The following KLHDC10 variants were observed in gnomAD, a reference collection of about 807,000 sequenced individuals.
The protein encoded by KLHDC10 is kelch domain containing 10.
In KLHDC10, 24 loss-of-function variants were observed where a neutral mutation model predicts 56.1. That is an observed-to-expected ratio of 0.43 (90% CI 0.31 to 0.60). The LOEUF (loss-of-function observed/expected upper bound fraction) is 0.60. Ranked by LOEUF, KLHDC10 falls within the 20% of genes least tolerant of loss-of-function variation. KLHDC10 has a pLI of 0.11. For synonymous variants in KLHDC10, 188 were observed against 207.1 expected, an observed-to-expected ratio of 0.91 and a Z score of 0.79; for missense variants, 349 against 567.0, an observed-to-expected ratio of 0.62 and a Z score of 3.91.
In KLHDC10 at chr7:130,130,473, A is replaced by G. The variant is rs1198112754; in HGVS notation, c.1120-64A>G. 7 of 1,321,540 alleles carry G rather than the reference A, an allele frequency of 5.3e-6. No homozygotes were observed. Among genetic ancestry groups the G allele is most frequent in the African/African-American group, 1.4e-5 (1 of 68,978 alleles). 81.9% of individuals were successfully genotyped at this position (1,321,540 alleles called of 1,614,324 possible). A position where few individuals can be genotyped will look rare whatever the true frequency, so the allele number is the denominator to read the frequency against. ...ATTCCATCTACTATGCTTTTTCCCCACTGAGTCTTCAGCCTTGTATGTTTC... is the reference window on the plus strand; with the variant it reads ...ATTCCATCTACTATGCTTTTTCCCCGCTGAGTCTTCAGCCTTGTATGTTTC... On this transcript the variant is annotated intron_variant, in intron 9 of 9. Transcript: ENST00000335420. This position sits in a 1 kb window ranked among gnomAD's most constrained non-coding sequence, Gnocchi z 4.2.
At chr7:130,112,034 T>G (rs1563103718) in intron 2 of KLHDC10, among the ~76,000 whole-genome samples, 1 of 152,136 alleles carries the variant, frequency 6.6e-6, no homozygotes, top group Non-Finnish European at 1.5e-5. Context: ...TATTAAAAAT[T>G]TTTTGTTTTG....
chr7:130,112,936 T>C (rs917534762), intron 2 of KLHDC10, among the ~76,000 whole-genome samples: 3 of 152,206 alleles, frequency 2.0e-5, no homozygotes, highest in Admixed American at 1.3e-4. Context: ...GTGTCAGAAA[T>C]AGGTAAACCA....
intron 1 of KLHDC10, among the ~76,000 whole-genome samples, chr7:130,081,734 C>A (rs1474758692): frequency 6.6e-6 from 1 of 152,170 alleles, no homozygotes; most frequent in African/African-American, 2.4e-5. Flanking sequence ...GTTTTGCCTG[C>A]CTTTCTCAAT....
chr7:130,128,400 G>A (rs930935542), intron 8 of KLHDC10, among the ~76,000 whole-genome samples: 7 of 152,186 alleles, frequency 4.6e-5, no homozygotes, highest in South Asian at 4.1e-4. Context: ...TTCGTTTGAA[G>A]GTTCACATAG....
chr7:130,103,254 T>C (rs534565885), intron 2 of KLHDC10, among the ~76,000 whole-genome samples: 1 of 152,154 alleles, frequency 6.6e-6, no homozygotes, highest in South Asian at 2.1e-4. Context: ...TGAAACCCTG[T>C]CTCTGCTAAA....
chr7:130,075,753 G>C (rs897550403), intron 1 of KLHDC10, among the ~76,000 whole-genome samples: 1 of 152,160 alleles, frequency 6.6e-6, no homozygotes, highest in African/African-American at 2.4e-5. Context: ...CAAATTTCAA[G>C]TTTATGTTTC....
At chr7:130,109,640 T>TTTTG (rs933924700) in intron 2 of KLHDC10, among the ~76,000 whole-genome samples, 1 of 151,980 alleles carries the variant, frequency 6.6e-6, no homozygotes, top group African/African-American at 2.4e-5. Flanking sequence ...ATAATGTTCT[T>TTTTG]TTTGTTTGTT....
intron 1 of KLHDC10, 77 bp from the exon 2 acceptor site, chr7:130,096,843 CT>C (rs1438437201): frequency 1.0e-6 from 1 of 1,000,496 alleles, no homozygotes; most frequent in Non-Finnish European, 1.5e-6. Flanking sequence ...GTTTTTCTGT[CT>C]TTATAACTAC....
chr7:130,071,663 C>T (rs1795412727), intron 1 of KLHDC10, among the ~76,000 whole-genome samples: 1 of 152,044 alleles, frequency 6.6e-6, no homozygotes, highest in Non-Finnish European at 1.5e-5. Flanking sequence ...TTAAATAATG[C>T]AGAGAACGTC....
In KLHDC10 at chr7:130,130,512, T is replaced by A. The variant is rs1443023154; in HGVS notation, c.1120-25T>A. The A allele has an allele frequency of 6.3e-7, 1 of 1,589,956 alleles. No individual in the cohort carries two copies. The highest frequency in any genetic ancestry group is 2.2e-5 in the East Asian group (1 of 44,678). ...CTTGTATGTTTCTCTCCCGTTTGAA[T>A]TTGTCCTCTTTTGACTACTCATAGG... On this transcript the variant is annotated intron_variant, in intron 9 of 9. Coordinates refer to ENST00000335420, the MANE Select transcript of KLHDC10 (RefSeq NM_014997.4). This position sits in a 1 kb window ranked among gnomAD's most constrained non-coding sequence, Gnocchi z 4.2.
At chr7:130,094,117 G>T (rs1168780257) in intron 1 of KLHDC10, among the ~76,000 whole-genome samples, 2 of 151,906 alleles carry the variant, frequency 1.3e-5, no homozygotes, top group African/African-American at 4.8e-5. Flanking sequence ...GTAGAGATGG[G>T]GTTTTGGCAT....
At chr7:130,077,555 C>CTTT (rs1374918216) in intron 1 of KLHDC10, among the ~76,000 whole-genome samples, 16 of 108,102 alleles carry the variant, frequency 1.5e-4, no homozygotes, top group East Asian at 2.3e-4. Flanking sequence ...CTTTTTCTTT[C>CTTT]TTTTTTTTTT....
At chr7:130,086,789 A>T (rs1795697444) in intron 1 of KLHDC10, among the ~76,000 whole-genome samples, 1 of 152,232 alleles carries the variant, frequency 6.6e-6, no homozygotes, top group African/African-American at 2.4e-5. Context: ...ATTTAAGAAC[A>T]ATCACTGCAA....
At position 130,122,216 on chromosome 7, in the gene KLHDC10, A is replaced by G; in HGVS notation, c.779+14A>G. On this transcript the variant is annotated intron_variant, in intron 5 of 9. Coordinates refer to ENST00000335420, the MANE Select transcript of KLHDC10 (RefSeq NM_014997.4). ...ACCAGAAGAGAGGTGAGGTTCTAGG[A>G]TTCAAGCATATTTATTCTTTCGTGC... 1.2e-6 allele frequency: 2 copies of G among 1,611,280 alleles called. No homozygotes were observed. The highest frequency in any genetic ancestry group is 8.5e-7 in the Non-Finnish European group (1 of 1,179,082).
At chr7:130,118,576 G>C (rs1460167777) in intron 3 of KLHDC10, among the ~76,000 whole-genome samples, 5 of 152,212 alleles carry the variant, frequency 3.3e-5, no homozygotes, top group Non-Finnish European at 7.3e-5. Flanking sequence ...CTTTTCCTTT[G>C]CATTCACAAT....
At position 130,121,352 on chromosome 7, in the gene KLHDC10, G is replaced by T. The variant is rs115389249; in HGVS notation, c.630+449G>T. 4.4e-3 allele frequency among the ~76,000 whole-genome samples: 664 copies of T among 152,258 alleles called. 6 individuals are homozygous for T. The highest frequency in any genetic ancestry group is 0.016 in the African/African-American group (647 of 41,544). ...CATACATTATGTAGAGATTAGTTTAGGTTCCAGCGCTTCAAACCTTAGGTC... is the reference window on the plus strand; with the variant it reads ...CATACATTATGTAGAGATTAGTTTATGTTCCAGCGCTTCAAACCTTAGGTC... On this transcript the variant is annotated intron_variant, in intron 4 of 9. Transcript: ENST00000335420.
At chr7:130,095,757 C>G (rs1795840766) in intron 1 of KLHDC10, among the ~76,000 whole-genome samples, 3 of 152,072 alleles carry the variant, frequency 2.0e-5, no homozygotes, top group Admixed American at 2.0e-4. Flanking sequence ...TGTTCTTTTT[C>G]TAGGGAATTT....
chr7:130,128,889 A>AAAAAAAAAATATATATATAT, intron 8 of KLHDC10, among the ~76,000 whole-genome samples: 2 of 66,946 alleles, frequency 3.0e-5, no homozygotes, highest in African/African-American at 7.3e-5. Context: ...AAAAAAAAAA[A>AAAAAAAAAATATATATATAT]ATATATATAT....
chr7:130,118,342 G>A (rs1796198956), intron 3 of KLHDC10, among the ~76,000 whole-genome samples: 1 of 152,124 alleles, frequency 6.6e-6, no homozygotes, highest in Admixed American at 6.5e-5. Flanking sequence ...ACCAACCTCT[G>A]CTAGCTTCCA....
Sources: gnomAD v4.1 joint callset for allele counts (sites outside exome capture counted in the v4.1 genomes callset) on GRCh38, gnomAD v4.1.1 for gene constraint, Gnocchi (gnomAD v3.1) non-coding constraint, MANE v1.5 for transcripts, NCBI Gene and HGNC (gene_info 2026-07-23, HGNC 2026-07-21) for gene names.